PTPRK: variants seen among roughly 807,000 people sequenced by gnomAD.
PTPRK encodes protein tyrosine phosphatase receptor type K.
In PTPRK, 75 loss-of-function variants were observed where a neutral mutation model predicts 178.0. The observed-to-expected ratio is 0.42, with a 90% CI of 0.35 to 0.51. The LOEUF (loss-of-function observed/expected upper bound fraction) is 0.51. Among genes scored for constraint, PTPRK ranks in the 20% least tolerant of loss-of-function variants. The pLI, the probability that PTPRK is intolerant of heterozygous loss-of-function variation, is 0.02. For synonymous variants in PTPRK, 637 were observed against 620.6 expected (o/e 1.03, Z -0.39); for missense variants, 1,441 against 1,797.8 (o/e 0.80, Z 3.59).
At chr6:128,049,491 A>G (rs1339555961) in intron 13 of PTPRK, among the ~76,000 whole-genome samples, 1 of 152,058 alleles carries the variant, frequency 6.6e-6, no homozygotes, top group East Asian at 1.9e-4. Flanking sequence ...AACTATTTAC[A>G]TATTGAGAAA....
intron 7 of PTPRK, among the ~76,000 whole-genome samples, chr6:128,106,224 T>A (rs530934350): frequency 6.6e-6 from 1 of 152,194 alleles, no homozygotes; most frequent in Non-Finnish European, 1.5e-5. Flanking sequence ...ATTAACTTTA[T>A]TGTAGTTGTA....
At chr6:127,981,925 A>G (rs184215061) in intron 24 of PTPRK, among the ~76,000 whole-genome samples, 1 of 152,056 alleles carries the variant, frequency 6.6e-6, no homozygotes, top group African/African-American at 2.4e-5. Context: ...AGGGTTAAGC[A>G]AACTTCCAGG....
At chr6:128,353,780 T>C (rs1380694264) in intron 2 of PTPRK, among the ~76,000 whole-genome samples, 1 of 152,146 alleles carries the variant, frequency 6.6e-6, no homozygotes, top group East Asian at 1.9e-4. Flanking sequence ...ACAAAAAAAA[T>C]TCTGTTATAT....
At chr6:128,203,881 TTAGACTACTATTGATGTTCC>T (rs1468822463) in intron 6 of PTPRK, among the ~76,000 whole-genome samples, 1 of 152,158 alleles carries the variant, frequency 6.6e-6, no homozygotes, top group Non-Finnish European at 1.5e-5. Context: ...AGCATTCCCA[TTAGACTACTATTGATGTTCC>T]TCATAAAATT....
rs569226697 is a variant in PTPRK, at chr6:128,437,525, C to T, written c.101-39837G>A. ...CACTCTTGGGGTCTGGGACAAGAAC[C>T]CTTTTCCGGTGACATTACCACAATA... On this transcript the variant is annotated intron_variant, in intron 1 of 29. Coordinates refer to ENST00000368226, the MANE Select transcript of PTPRK (RefSeq NM_002844.4). Among the ~76,000 whole-genome samples, 3 of 152,206 alleles carry T rather than the reference C, an allele frequency of 2.0e-5. No homozygotes were observed. The South Asian group carries it at 6.2e-4, about 32-fold the overall frequency.
intron 5 of PTPRK, chr6:128,238,197 A>G (rs1178460260): frequency 1.7e-5 from 7 of 401,786 alleles, no homozygotes; most frequent in South Asian, 9.1e-5. Context: ...AAAAAAAAAA[A>G]AAAAAGAAAA....
At chr6:128,172,456 T>C (rs1800409561) in intron 7 of PTPRK, among the ~76,000 whole-genome samples, 1 of 151,910 alleles carries the variant, frequency 6.6e-6, no homozygotes, top group South Asian at 2.1e-4. Context: ...TTTAAGTTTG[T>C]CCTACAGAGG....
intron 6 of PTPRK, among the ~76,000 whole-genome samples, chr6:128,188,242 A>G (rs6929394): frequency 0.022 from 3,336 of 152,250 alleles, 99 homozygotes; most frequent in African/African-American, 0.046. Flanking sequence ...AAATTGTTTT[A>G]TTTTTATTTC....
chr6:128,301,130 T>C (rs944031812), intron 3 of PTPRK, among the ~76,000 whole-genome samples: 3 of 152,210 alleles, frequency 2.0e-5, no homozygotes, highest in African/African-American at 7.2e-5. Context: ...AAAATATTTC[T>C]TGAATAAACA....
At chr6:128,247,189 T>C (rs1815623692) in intron 3 of PTPRK, among the ~76,000 whole-genome samples, 1 of 152,202 alleles carries the variant, frequency 6.6e-6, no homozygotes, top group South Asian at 2.1e-4. Flanking sequence ...TTAATTAATA[T>C]ATGCAATATG....
chr6:128,303,424 C>T (rs6900898), intron 3 of PTPRK, among the ~76,000 whole-genome samples: 8,071 of 152,200 alleles, frequency 0.053, 722 homozygotes, highest in African/African-American at 0.18. Flanking sequence ...AAAGCGGCCC[C>T]ATAGGTGAGA....
At chr6:128,139,482 A>C (rs1795468015) in intron 7 of PTPRK, among the ~76,000 whole-genome samples, 1 of 152,042 alleles carries the variant, frequency 6.6e-6, no homozygotes, top group Admixed American at 6.6e-5. Context: ...CCTACTGAGA[A>C]CCTAGATACA....
chr6:128,128,864 C>T (rs1181614324), intron 7 of PTPRK, among the ~76,000 whole-genome samples: 1 of 152,098 alleles, frequency 6.6e-6, no homozygotes, highest in Non-Finnish European at 1.5e-5. Flanking sequence ...ATATGAAGTA[C>T]CAAAAAGATT....
chr6:128,045,322 A>G (rs1332777652), intron 13 of PTPRK, among the ~76,000 whole-genome samples: 1 of 151,778 alleles, frequency 6.6e-6, no homozygotes, highest in African/African-American at 2.4e-5. Flanking sequence ...TCTTTCCTCT[A>G]TTTACAGTAA....
intron 3 of PTPRK, among the ~76,000 whole-genome samples, chr6:128,246,475 T>C (rs1269784201): frequency 6.6e-6 from 1 of 152,194 alleles, no homozygotes; most frequent in African/African-American, 2.4e-5. Context: ...AGTGACCTCA[T>C]TTTCCCTGCT....
chr6:128,022,549 A>G (rs1773686140), intron 13 of PTPRK, among the ~76,000 whole-genome samples: 1 of 152,160 alleles, frequency 6.6e-6, no homozygotes, highest in Non-Finnish European at 1.5e-5. Flanking sequence ...GTTTCTATGC[A>G]CCTCACTCCA....
At chr6:128,062,514 A>G (rs1781025487) in intron 13 of PTPRK, 1 of 167,102 alleles carries the variant, frequency 6.0e-6, no homozygotes, top group Non-Finnish European at 1.5e-5. Context: ...CCCCTGTCCT[A>G]GCAATCTCGA....
intron 2 of PTPRK, among the ~76,000 whole-genome samples, chr6:128,389,826 C>A (rs1839304766): frequency 6.6e-6 from 1 of 151,860 alleles, no homozygotes; most frequent in African/African-American, 2.4e-5. Context: ...CCTGAAATAT[C>A]AGGAAAAAAT....
intron 13 of PTPRK, among the ~76,000 whole-genome samples, chr6:128,018,726 C>G (rs1401367081): frequency 6.6e-6 from 1 of 152,014 alleles, no homozygotes; most frequent in Non-Finnish European, 1.5e-5. Flanking sequence ...AATGTATAAA[C>G]AGATTCGAAT....
Sources: allele counts gnomAD v4.1 joint callset (sites outside exome capture counted in the v4.1 genomes callset), GRCh38; gene constraint gnomAD v4.1.1; transcripts MANE v1.5; gene names NCBI Gene and HGNC (gene_info 2026-07-23, HGNC 2026-07-21).